DPP10: variants seen among roughly 807,000 people sequenced by gnomAD.
The protein encoded by DPP10 is dipeptidyl peptidase like 10.
Under a neutral mutation model 120.9 loss-of-function variants are expected in DPP10, and 33 were observed. The ratio of observed to expected loss-of-function variants is 0.27; its 90% confidence interval spans 0.21 to 0.37. The LOEUF (loss-of-function observed/expected upper bound fraction) is 0.37, where lower values mean the gene tolerates loss of function less well. DPP10 is among the 10% of genes least tolerant of loss of function. The probability of loss-of-function intolerance (pLI) is 1.00; values close to 1 mark genes in which losing one functional copy is unlikely to be tolerated. For synonymous variants in DPP10, 337 were observed against 326.1 expected, an observed-to-expected ratio of 1.03 and a Z score of -0.36; for missense variants, 816 against 942.8, an observed-to-expected ratio of 0.87 and a Z score of 1.76.
intron 1 of DPP10, among the ~76,000 whole-genome samples, chr2:114,544,548 T>C (rs1687215313): frequency 6.6e-6 from 1 of 152,032 alleles, no homozygotes; most frequent in South Asian, 2.1e-4. Context: ...TGGCTTCTCT[T>C]TGTCAGCATT....
At chr2:115,395,438 G>A (rs2067613816) in intron 3 of DPP10, among the ~76,000 whole-genome samples, 1 of 152,144 alleles carries the variant, frequency 6.6e-6, no homozygotes, top group Non-Finnish European at 1.5e-5. Context: ...GGTTTCAGAA[G>A]GACACAGTTC....
chr2:114,878,295 A>T (rs1691316763), intron 1 of DPP10, among the ~76,000 whole-genome samples: 2 of 152,108 alleles, frequency 1.3e-5, no homozygotes, highest in Non-Finnish European at 2.9e-5. Flanking sequence ...AGATTCATTT[A>T]TATTTTATTG....
chr2:114,777,982 G>A (rs1681913096), intron 1 of DPP10, among the ~76,000 whole-genome samples: 1 of 152,064 alleles, frequency 6.6e-6, no homozygotes, highest in Non-Finnish European at 1.5e-5. Context: ...ATTTGAATTT[G>A]TCGTGTCTTT....
At chr2:114,445,545 T>C (rs1677892853) in intron 1 of DPP10, among the ~76,000 whole-genome samples, 1 of 124,788 alleles carries the variant, frequency 8.0e-6, no homozygotes, top group African/African-American at 3.8e-5. Context: ...TGTGTGTGTG[T>C]GTGTGTGTGT....
chr2:115,110,314 G>A (rs2049151845), intron 1 of DPP10, among the ~76,000 whole-genome samples: 1 of 152,140 alleles, frequency 6.6e-6, no homozygotes. Flanking sequence ...AACCAACTTA[G>A]TCTCCGTGTT....
At chr2:114,535,905 A>G (rs930090086) in intron 1 of DPP10, among the ~76,000 whole-genome samples, 4 of 152,148 alleles carry the variant, frequency 2.6e-5, no homozygotes, top group African/African-American at 9.7e-5. Flanking sequence ...CAGTAAGAAC[A>G]CATGCAGGTG....
At chr2:114,774,389 C>T (rs1486617449) in intron 1 of DPP10, among the ~76,000 whole-genome samples, 1 of 150,132 alleles carries the variant, frequency 6.7e-6, no homozygotes, top group African/African-American at 2.5e-5. Context: ...CATATTTGGA[C>T]CTATGACAAA....
chr2:114,702,036 A>G (rs1271279127), intron 1 of DPP10, among the ~76,000 whole-genome samples: 1 of 152,116 alleles, frequency 6.6e-6, no homozygotes, highest in South Asian at 2.1e-4. Flanking sequence ...CTGTCTTTGA[A>G]GAAGCTGGTC....
intron 1 of DPP10, among the ~76,000 whole-genome samples, chr2:114,643,033 C>A (rs1298188562): frequency 6.6e-6 from 1 of 151,950 alleles, no homozygotes; most frequent in Admixed American, 6.5e-5. Flanking sequence ...ATATGAGGTC[C>A]TGATTTTGCT....
chr2:115,692,509 T>C (rs1164127390), intron 7 of DPP10, among the ~76,000 whole-genome samples: 1 of 152,082 alleles, frequency 6.6e-6, no homozygotes, highest in Non-Finnish European at 1.5e-5. Context: ...AATACATCTT[T>C]CTATTGAATT....
rs146433562 is a variant in DPP10, at chr2:115,570,251, C to T, written c.441+44279C>T. On this transcript the variant is annotated intron_variant, in intron 5 of 25. Transcript: ENST00000410059. ...AGCAATGCTTGAAGTTTTAAGACTACATCTGCAGAGCCCAAATAAGCAGAA... is the reference window on the plus strand; with the variant it reads ...AGCAATGCTTGAAGTTTTAAGACTATATCTGCAGAGCCCAAATAAGCAGAA... Among the ~76,000 whole-genome samples, 291 of 152,274 alleles carry T rather than the reference C, an allele frequency of 1.9e-3. 2 individuals carry two copies. The highest frequency in any genetic ancestry group is 3.1e-3 in the Non-Finnish European group (213 of 68,022).
chr2:114,455,562 T>A (rs1293372038), intron 1 of DPP10, among the ~76,000 whole-genome samples: 2 of 149,116 alleles, frequency 1.3e-5, no homozygotes, highest in African/African-American at 5.1e-5. Flanking sequence ...AAAAAAAATG[T>A]AAATACAGCT....
chr2:114,623,232 A>C (rs542465069), intron 1 of DPP10, among the ~76,000 whole-genome samples: 1 of 152,100 alleles, frequency 6.6e-6, no homozygotes, highest in Non-Finnish European at 1.5e-5. Context: ...AATAATGTGC[A>C]TCGTATGTTT....
intron 4 of DPP10, among the ~76,000 whole-genome samples, chr2:115,514,761 C>T (rs2148852330): frequency 6.6e-6 from 1 of 151,892 alleles, no homozygotes; most frequent in East Asian, 1.9e-4. Context: ...ACATTTTCAT[C>T]ATCACAGAAA....
At chr2:114,472,242 G>T (rs559759215) in intron 1 of DPP10, among the ~76,000 whole-genome samples, 1 of 152,332 alleles carries the variant, frequency 6.6e-6, no homozygotes, top group African/African-American at 2.4e-5. Flanking sequence ...ATCCACTGAA[G>T]TTAGGTCCTT....
intron 21 of DPP10, among the ~76,000 whole-genome samples, chr2:115,823,841 C>T (rs944065909): frequency 6.6e-6 from 1 of 152,118 alleles, no homozygotes; most frequent in Admixed American, 6.5e-5. Flanking sequence ...AGATTCTAGG[C>T]TAAGTTAAAT....
intron 1 of DPP10, among the ~76,000 whole-genome samples, chr2:114,865,823 T>C (rs569273629): frequency 6.6e-6 from 1 of 152,232 alleles, no homozygotes; most frequent in East Asian, 1.9e-4. Flanking sequence ...ATTTAAAGCT[T>C]ATGTGTTGGC....
chr2:115,734,737 C>T (rs1344754097), intron 8 of DPP10, among the ~76,000 whole-genome samples: 2 of 149,146 alleles, frequency 1.3e-5, no homozygotes, highest in South Asian at 2.2e-4. Context: ...TACACACACA[C>T]GTATATGTAT....
At chr2:114,963,672 A>G (rs1403750421) in intron 1 of DPP10, among the ~76,000 whole-genome samples, 1 of 152,188 alleles carries the variant, frequency 6.6e-6, no homozygotes, top group Non-Finnish European at 1.5e-5. Flanking sequence ...GGCTGTCACC[A>G]TGGTGGTCTC....
Sources: gnomAD v4.1 joint callset for allele counts (sites outside exome capture counted in the v4.1 genomes callset) on GRCh38, gnomAD v4.1.1 for gene constraint, MANE v1.5 for transcripts, NCBI Gene and HGNC (gene_info 2026-07-23, HGNC 2026-07-21) for gene names.